Variants in NCAM1 observed in about 807,000 individuals in gnomAD.
The protein encoded by NCAM1 is antigen recognized by monoclonal antibody 5.1H11.
NCAM1 carries 14 observed loss-of-function variants against 109.8 expected under a neutral mutation model. That is an observed-to-expected ratio of 0.13 (90% CI 0.08 to 0.20). The LOEUF (loss-of-function observed/expected upper bound fraction) is 0.20, where lower values mean the gene tolerates loss of function less well. Ranked by LOEUF, NCAM1 falls within the 10% of genes least tolerant of loss-of-function variation. The probability of loss-of-function intolerance (pLI) is 1.00; values close to 1 mark genes in which losing one functional copy is unlikely to be tolerated. For synonymous variants in NCAM1, 418 were observed against 442.9 expected, an observed-to-expected ratio of 0.94 and a Z score of 0.70; for missense variants, 774 against 1,109.9, an observed-to-expected ratio of 0.70 and a Z score of 4.30.
intron 1 of NCAM1, among the ~76,000 whole-genome samples, chr11:113,057,288 G>T (rs570339314): frequency 6.6e-6 from 1 of 152,030 alleles, no homozygotes; most frequent in African/African-American, 2.4e-5. Context: ...GGACAACATT[G>T]GCAAAGGCAT....
chr11:113,230,454 T>A (rs1237232038), intron 9 of NCAM1, among the ~76,000 whole-genome samples: 5 of 152,220 alleles, frequency 3.3e-5, no homozygotes, highest in Admixed American at 1.3e-4. Context: ...CTGTCAGTGA[T>A]GGTCCAAGGG....
intron 1 of NCAM1, among the ~76,000 whole-genome samples, chr11:113,152,127 A>G (rs1942246431): frequency 6.6e-6 from 1 of 152,252 alleles, no homozygotes; most frequent in African/African-American, 2.4e-5. Context: ...AATGAGTTTC[A>G]GGAAGGCATC....
intron 1 of NCAM1, among the ~76,000 whole-genome samples, chr11:113,045,538 C>T (rs969870508): frequency 6.6e-6 from 1 of 152,158 alleles, no homozygotes; most frequent in Non-Finnish European, 1.5e-5. Flanking sequence ...CGTGGGATCA[C>T]GCACGCCGTG....
At chr11:112,981,310 G>T (rs2212449) in intron 1 of NCAM1, among the ~76,000 whole-genome samples, 68,472 of 151,672 alleles carry the variant, frequency 0.45, 16,324 homozygotes, top group East Asian at 0.8. Flanking sequence ...ATCATAAAGC[G>T]GTACACAATA....
Position 113,273,222 on chromosome 11 carries a change from C to T in NCAM1, c.2456+1346C>T. 2.7e-6 allele frequency: 1 copy of T among 368,834 alleles called. No homozygotes were observed. The highest frequency in any genetic ancestry group is 2.0e-5 in the South Asian group (1 of 49,818). The allele number at this position is 368,834 out of a possible 1,614,324, so 22.8% of individuals were successfully genotyped here. ...CCCCCTCGTTGACCTGAGCGACACC[C>T]CGACCTCAACCCCTGCCGCTAGCAA... is the stretch of plus-strand genomic sequence containing the variant. On this transcript the variant is annotated intron_variant, in intron 19 of 19. Coordinates refer to ENST00000316851, the MANE Select transcript of NCAM1 (RefSeq NM_181351.5). The surrounding 1 kb of genome is among the most constrained non-coding windows in gnomAD (Gnocchi z 6.0).
chr11:113,161,940 T>G (rs75797378), intron 1 of NCAM1, among the ~76,000 whole-genome samples: 11,871 of 152,192 alleles, frequency 0.078, 575 homozygotes, highest in Non-Finnish European at 0.1. Context: ...CCTGAAACCT[T>G]GGCTTGGATC....
In NCAM1 at chr11:113,278,289, C is replaced by CTTGT. The variant is rs1207808814; in HGVS notation, c.*2904_*2907dup. 1 of 152,208 alleles carries CTTGT rather than the reference C, an allele frequency of 6.6e-6. No homozygotes were observed. The highest frequency in any genetic ancestry group is 1.5e-5 in the Non-Finnish European group (1 of 68,046). 9.4% of individuals were successfully genotyped at this position (152,208 alleles called of 1,614,324 possible). ...ATTCTGTACTTCGGGGGCCTTCTCT[C>CTTGT]TTGTTATAAAACTTTTTACCAAGTG... On this transcript the variant is annotated 3_prime_UTR_variant, in exon 20 of 20. Transcript: ENST00000316851.
chr11:113,220,600 C>CCCTTTTTT (rs1944659944), intron 8 of NCAM1, among the ~76,000 whole-genome samples: 1 of 102,376 alleles, frequency 9.8e-6, no homozygotes, highest in African/African-American at 5.8e-5. Flanking sequence ...CTCTCTCTCT[C>CCCTTTTTT]TCTTTTTTTT....
chr11:113,236,895 G>T (rs1216477650), intron 14 of NCAM1, among the ~76,000 whole-genome samples: 1 of 152,226 alleles, frequency 6.6e-6, no homozygotes, highest in Non-Finnish European at 1.5e-5. Context: ...TAGTCAAAAC[G>T]TAGCATGAAC....
chr11:113,257,454 G>T (rs1179710168), intron 16 of NCAM1, among the ~76,000 whole-genome samples: 1 of 152,204 alleles, frequency 6.6e-6, no homozygotes, highest in Non-Finnish European at 1.5e-5. Flanking sequence ...TATATGCAAA[G>T]AACCTGAAAT....
intron 1 of NCAM1, among the ~76,000 whole-genome samples, chr11:113,187,509 G>A (rs912997953): frequency 2.0e-5 from 3 of 151,738 alleles, no homozygotes; most frequent in Admixed American, 6.6e-5. Flanking sequence ...AGTCCAGTGA[G>A]TTTTGAGTCT....
Position 113,235,344 on chromosome 11 carries a change from C to T in NCAM1, c.1825+180C>T, listed in dbSNP as rs1475099192. 4 of 1,292,400 alleles carry T rather than the reference C, an allele frequency of 3.1e-6. No individual in the cohort carries two copies. The African/African-American group carries it at 5.8e-5, about 19-fold the overall frequency. 80.1% of individuals were successfully genotyped at this position (1,292,400 alleles called of 1,614,324 possible). On this transcript the variant is annotated intron_variant, in intron 14 of 19. Transcript: ENST00000316851. ...TTCTCAGTGACAGCTAACACACAGT[C>T]CCTTCATTCTCTCTTTCTCCAAGGG...
chr11:112,989,906 T>C (rs1951412127), intron 1 of NCAM1, among the ~76,000 whole-genome samples: 1 of 152,256 alleles, frequency 6.6e-6, no homozygotes, highest in Non-Finnish European at 1.5e-5. Flanking sequence ...TTATCTTCAA[T>C]GTAACCCTTT....
At chr11:113,039,732 A>T (rs1953009776) in intron 1 of NCAM1, among the ~76,000 whole-genome samples, 1 of 152,218 alleles carries the variant, frequency 6.6e-6, no homozygotes, top group South Asian at 2.1e-4. Context: ...ATATGTATTT[A>T]AAAATTTTCT....
At chr11:113,073,761 G>A (rs1268061703) in intron 1 of NCAM1, among the ~76,000 whole-genome samples, 1 of 152,198 alleles carries the variant, frequency 6.6e-6, no homozygotes, top group East Asian at 1.9e-4. Flanking sequence ...GGAGGTGGTG[G>A]TGGGGATGTG....
At chr11:113,066,511 C>T (rs1474411374) in intron 1 of NCAM1, among the ~76,000 whole-genome samples, 1 of 152,062 alleles carries the variant, frequency 6.6e-6, no homozygotes, top group Non-Finnish European at 1.5e-5. Context: ...GGCTTCAGGC[C>T]TCTCAATTCC....
At chr11:113,046,539 C>G (rs1368711501) in intron 1 of NCAM1, among the ~76,000 whole-genome samples, 2 of 152,154 alleles carry the variant, frequency 1.3e-5, no homozygotes, top group African/African-American at 4.8e-5. Flanking sequence ...AACAGGAGGG[C>G]CAAAGGTACC....
intron 1 of NCAM1, among the ~76,000 whole-genome samples, chr11:113,103,131 C>A (rs1469900419): frequency 6.6e-6 from 1 of 152,198 alleles, no homozygotes; most frequent in Non-Finnish European, 1.5e-5. Flanking sequence ...CATCATAGCA[C>A]TTTGGCTGTT....
At chr11:113,236,496 C>T (rs1045796851) in intron 14 of NCAM1, among the ~76,000 whole-genome samples, 2 of 152,174 alleles carry the variant, frequency 1.3e-5, no homozygotes, top group Non-Finnish European at 2.9e-5. Context: ...GTAGGTTACT[C>T]CAAGAGGCTA....
Sources: gnomAD v4.1 joint callset for allele counts (sites outside exome capture counted in the v4.1 genomes callset) on GRCh38, gnomAD v4.1.1 for gene constraint, Gnocchi (gnomAD v3.1) non-coding constraint, MANE v1.5 for transcripts, NCBI Gene and HGNC (gene_info 2026-07-23, HGNC 2026-07-21) for gene names.